NR3C1: variants seen among roughly 807,000 people sequenced by gnomAD.
NR3C1 encodes nuclear receptor subfamily 3 group C member 1.
Under a neutral mutation model 74.0 loss-of-function variants are expected in NR3C1, and 14 were observed. The ratio of observed to expected loss-of-function variants is 0.19; its 90% CI spans 0.12 to 0.30. The LOEUF (loss-of-function observed/expected upper bound fraction) is 0.30. Ranked by LOEUF, NR3C1 falls within the 10% of genes least tolerant of loss-of-function variation. The pLI is 1.00. For synonymous variants in NR3C1, 308 were observed against 332.5 expected (o/e 0.93, Z 0.80); for missense variants, 695 against 909.8 (o/e 0.76, Z 3.04).
At chr5:143,386,714 C>A (rs1837292831) in intron 2 of NR3C1, among the ~76,000 whole-genome samples, 1 of 152,192 alleles carries the variant, frequency 6.6e-6, no homozygotes, top group African/African-American at 2.4e-5. Context: ...AATGAACACA[C>A]TATTTCTGTA....
intron 2 of NR3C1, among the ~76,000 whole-genome samples, chr5:143,370,030 A>G (rs1467071519): frequency 6.6e-6 from 1 of 152,176 alleles, no homozygotes; most frequent in Non-Finnish European, 1.5e-5. Flanking sequence ...CCCAGCTAAG[A>G]ATTCATAGAA....
At chr5:143,389,327 T>C (rs1012343025) in intron 2 of NR3C1, among the ~76,000 whole-genome samples, 1 of 152,276 alleles carries the variant, frequency 6.6e-6, no homozygotes, top group South Asian at 2.1e-4. Context: ...CCACTCTACC[T>C]ACCACCAGAA....
At chr5:143,382,585 G>T (rs1434369831) in intron 2 of NR3C1, among the ~76,000 whole-genome samples, 1 of 152,218 alleles carries the variant, frequency 6.6e-6, no homozygotes, top group Admixed American at 6.5e-5. Context: ...TAAAAGTGAG[G>T]AAACAGAGTT....
intron 1 of NR3C1, among the ~76,000 whole-genome samples, chr5:143,412,755 G>A (rs1841336027): frequency 2.0e-5 from 3 of 152,076 alleles, no homozygotes; most frequent in Admixed American, 1.3e-4. Context: ...AATAGTAAAT[G>A]TTTTGCAAAA....
intron 2 of NR3C1, among the ~76,000 whole-genome samples, chr5:143,374,593 C>T (rs796321221): frequency 5.9e-5 from 9 of 152,018 alleles, no homozygotes; most frequent in African/African-American, 2.2e-4. Context: ...GGTTCTGCCA[C>T]TATACTTTTA....
intron 2 of NR3C1, among the ~76,000 whole-genome samples, chr5:143,365,756 A>G (rs769968194): frequency 2.5e-4 from 38 of 152,386 alleles, no homozygotes; most frequent in Non-Finnish European, 4.6e-4. Context: ...GTATTAGGTC[A>G]TAAGACAAGC....
chr5:143,287,251 G>C (rs1814709235), intron 7 of NR3C1, among the ~76,000 whole-genome samples: 1 of 151,690 alleles, frequency 6.6e-6, no homozygotes, highest in African/African-American at 2.4e-5. Flanking sequence ...ACTAAAAATT[G>C]GTTCTTTGTA....
chr5:143,309,307 G>A (rs1235546646), intron 4 of NR3C1, among the ~76,000 whole-genome samples: 2 of 152,114 alleles, frequency 1.3e-5, no homozygotes, highest in African/African-American at 4.8e-5. Flanking sequence ...TCTTGACCTC[G>A]TGATCCGCCT....
chr5:143,418,571 G>C (rs978129354), intron 1 of NR3C1, among the ~76,000 whole-genome samples: 1 of 152,170 alleles, frequency 6.6e-6, no homozygotes, highest in African/African-American at 2.4e-5. Context: ...GTGAGCTGGA[G>C]ATAGAGGTAA....
chr5:143,367,282 G>A lies in NR3C1; in HGVS notation c.1184+32374C>T, dbSNP rs182512028. ...AAAGGAACATTCTCAATCTGATAAA[G>A]GACAACTATGAAAACCCCACAACAA... On this transcript the variant is annotated intron_variant, in intron 2 of 8. Transcript: ENST00000394464. 1.6e-3 allele frequency among the ~76,000 whole-genome samples: 243 copies of A among 152,218 alleles called. 1 individual carries two copies. Among genetic ancestry groups the A allele is most frequent in the African/African-American group, 5.6e-3 (232 of 41,520 alleles).
At position 143,357,549 on chromosome 5, in the gene NR3C1, A is replaced by G. The variant is rs79229126; in HGVS notation, c.1184+42107T>C. The stretch of plus-strand genomic sequence containing the variant: ...CATTGGCAAAAGGCAATTTAAACCC[A>G]CCTCATGAACTACAAACAGGGGAAT... On this transcript the variant is annotated intron_variant, in intron 2 of 8. Transcript: ENST00000394464. 1.0e-3 allele frequency among the ~76,000 whole-genome samples: 155 copies of G among 152,220 alleles called. 3 individuals carry two copies. The East Asian group carries it at 0.022, about 22-fold the overall frequency.
chr5:143,379,543 A>G (rs927824879), intron 2 of NR3C1, among the ~76,000 whole-genome samples: 66 of 152,152 alleles, frequency 4.3e-4, no homozygotes, highest in African/African-American at 1.6e-3. Context: ...GCAAAAAAAT[A>G]AAAATAAAAA....
intron 1 of NR3C1, among the ~76,000 whole-genome samples, chr5:143,422,985 T>C: frequency 6.6e-6 from 1 of 152,212 alleles, no homozygotes; most frequent in East Asian, 1.9e-4. Context: ...TTTATTCTAG[T>C]GGTTTCATAC....
At position 143,279,531 on chromosome 5, in the gene NR3C1, C is replaced by A; in HGVS notation, c.*2358G>T. 1 of 939,922 alleles carries A rather than the reference C, an allele frequency of 1.1e-6. No homozygotes were observed. The highest frequency in any genetic ancestry group is 1.5e-6 in the Non-Finnish European group (1 of 677,610). The allele number at this position is 939,922 out of a possible 1,614,324, so 58.2% of individuals were successfully genotyped here. A position where few individuals can be genotyped will look rare whatever the true frequency, so the allele number is the denominator to read the frequency against. On this transcript the variant is annotated 3_prime_UTR_variant, in exon 9 of 9. Coordinates refer to ENST00000394464, the MANE Select transcript of NR3C1 (RefSeq NM_000176.3). ...AAATTTATCCAGCCGGGTTACACAC[C>A]ATCTTAAAATATTACATTCCCTTTT...
At chr5:143,310,538 AAGAAAC>A (rs1228136321) in intron 3 of NR3C1, among the ~76,000 whole-genome samples, 1 of 152,224 alleles carries the variant, frequency 6.6e-6, no homozygotes, top group Non-Finnish European at 1.5e-5. Flanking sequence ...CTCTCAGATC[AAGAAAC>A]AGAACAGTAC....
At chr5:143,431,076 G>T (rs1362601103) in intron 1 of NR3C1, among the ~76,000 whole-genome samples, 1 of 152,136 alleles carries the variant, frequency 6.6e-6, no homozygotes, top group African/African-American at 2.4e-5. Flanking sequence ...TCTCTTTGTG[G>T]TTTCATGGGA....
At chr5:143,292,713 G>A (rs957932648) in intron 7 of NR3C1, among the ~76,000 whole-genome samples, 4 of 152,112 alleles carry the variant, frequency 2.6e-5, no homozygotes, top group African/African-American at 9.7e-5. Flanking sequence ...TCCTCACTCA[G>A]CCTCCAGCAA....
chr5:143,293,256 T>C (rs931327227), intron 7 of NR3C1, among the ~76,000 whole-genome samples: 1 of 152,180 alleles, frequency 6.6e-6, no homozygotes, highest in South Asian at 2.1e-4. Context: ...GAAACCATTA[T>C]TGTAAGTGAA....
chr5:143,387,641 G>T (rs994160280), intron 2 of NR3C1, among the ~76,000 whole-genome samples: 4 of 151,954 alleles, frequency 2.6e-5, no homozygotes, highest in African/African-American at 9.7e-5. Flanking sequence ...TTCTTGCTAT[G>T]GCTAACACCT....
Sources: allele counts gnomAD v4.1 joint callset (sites outside exome capture counted in the v4.1 genomes callset), GRCh38; gene constraint gnomAD v4.1.1; transcripts MANE v1.5; gene names NCBI Gene and HGNC (gene_info 2026-07-23, HGNC 2026-07-21).